LARGE1: variants seen among roughly 807,000 people sequenced by gnomAD.
The protein encoded by LARGE1 is xylosyl- and glucuronyltransferase LARGE1.
A neutral mutation model predicts 87.6 loss-of-function variants in LARGE1; 43 were observed. The observed-to-expected ratio is 0.49, with a 90% CI of 0.38 to 0.63. The LOEUF (loss-of-function observed/expected upper bound fraction) is 0.63. Ranked by LOEUF, LARGE1 falls within the 30% of genes least tolerant of loss-of-function variation. The pLI is 0.00. For synonymous variants in LARGE1, 434 were observed against 394.6 expected (o/e 1.10, Z -1.18); for missense variants, 802 against 1,000.2 (o/e 0.80, Z 2.67).
intron 6 of LARGE1, among the ~76,000 whole-genome samples, chr22:33,534,983 A>G (rs1405979025): frequency 7.9e-5 from 12 of 152,212 alleles, no homozygotes. Flanking sequence ...TTACATGAGC[A>G]CTTGGCATAT....
chr22:33,301,629 C>T (rs919665645), intron 12 of LARGE1, among the ~76,000 whole-genome samples: 10 of 152,094 alleles, frequency 6.6e-5, no homozygotes, highest in African/African-American at 2.4e-4. Flanking sequence ...TCTGGTCTCT[C>T]TATTGAATTG....
At chr22:33,475,691 G>A (rs991563777) in intron 6 of LARGE1, among the ~76,000 whole-genome samples, 26 of 151,960 alleles carry the variant, frequency 1.7e-4, no homozygotes, top group African/African-American at 6.0e-4. Context: ...TCGAACTCCC[G>A]ACCTCAGTTG....
intron 12 of LARGE1, among the ~76,000 whole-genome samples, chr22:33,297,592 G>A (rs1456947008): frequency 4.9e-5 from 7 of 142,996 alleles, no homozygotes; most frequent in Non-Finnish European, 7.6e-5. Flanking sequence ...CAGCCTGGGC[G>A]GCATAAGACT....
chr22:33,299,199 T>TGA (rs142610718), intron 12 of LARGE1, among the ~76,000 whole-genome samples: 3 of 132,236 alleles, frequency 2.3e-5, no homozygotes, highest in African/African-American at 5.7e-5. Flanking sequence ...AGCAACAGAG[T>TGA]GAGAGAGAGA....
intron 11 of LARGE1, among the ~76,000 whole-genome samples, chr22:33,176,906 C>T (rs117654969): frequency 6.6e-6 from 1 of 152,154 alleles, no homozygotes; most frequent in African/African-American, 2.4e-5. Context: ...TGGAACTAAC[C>T]CTAACGTCCA....
At chr22:33,561,136 T>C (rs1433454682) in intron 6 of LARGE1, among the ~76,000 whole-genome samples, 1 of 152,250 alleles carries the variant, frequency 6.6e-6, no homozygotes, top group Non-Finnish European at 1.5e-5. Context: ...GCAAAGCTTC[T>C]AGCTCAGTGC....
intron 7 of LARGE1, among the ~76,000 whole-genome samples, chr22:33,422,830 T>C (rs1340668966): frequency 6.6e-6 from 1 of 152,000 alleles, no homozygotes; most frequent in Non-Finnish European, 1.5e-5. Context: ...GGCACCAAGG[T>C]GATGGTGCTA....
intron 11 of LARGE1, among the ~76,000 whole-genome samples, chr22:33,313,444 C>T (rs1935820770): frequency 6.6e-6 from 1 of 152,218 alleles, no homozygotes; most frequent in Admixed American, 6.5e-5. Context: ...CAGTGACAGG[C>T]AGAGTTCTAT....
At chr22:33,350,828 C>T (rs1004408742) in intron 9 of LARGE1, among the ~76,000 whole-genome samples, 1 of 152,222 alleles carries the variant, frequency 6.6e-6, no homozygotes, top group Non-Finnish European at 1.5e-5. Flanking sequence ...GAAGCCCAGA[C>T]ACGGACTCCA....
rs367570640 is a variant in LARGE1 at position 33,457,818 on chromosome 22, A to C, written c.788-25553T>G. Among the ~76,000 whole-genome samples the C allele has an allele frequency of 1.2e-4, 18 of 152,306 alleles. No individual in the cohort carries two copies. In the East Asian group the frequency reaches 1.5e-3, roughly 13 times the overall value. On this transcript the variant is annotated intron_variant, in intron 6 of 14. Transcript: ENST00000397394. ...GGTAGAAGGCCTTCCAGGCTGAGGA[A>C]AGACCCTGAGCACAGCAATTGTGGT...
downstream of LARGE1, among the ~76,000 whole-genome samples, chr22:33,159,743 C>T (rs915536942): frequency 3.8e-4 from 57 of 151,890 alleles, no homozygotes; most frequent in African/African-American, 1.3e-3. Flanking sequence ...CGCCACCACG[C>T]CTGGCTAATT....
At chr22:33,722,969 TA>T (rs1361134138) in intron 2 of LARGE1, among the ~76,000 whole-genome samples, 2 of 152,050 alleles carry the variant, frequency 1.3e-5, no homozygotes, top group African/African-American at 4.8e-5. Context: ...TGGAATGCGG[TA>T]AGTGAGCCAC....
intron 2 of LARGE1, among the ~76,000 whole-genome samples, chr22:33,740,247 A>G (rs1225997337): frequency 3.9e-5 from 6 of 152,182 alleles, no homozygotes; most frequent in African/African-American, 1.4e-4. Flanking sequence ...GCTTTCTTGG[A>G]TGTCCCCAGA....
chr22:33,902,992 C>A (rs77452110), intron 1 of LARGE1, among the ~76,000 whole-genome samples: 15,281 of 152,160 alleles, frequency 0.1, 798 homozygotes, highest in African/African-American at 0.14. Flanking sequence ...ATTAGCTGGG[C>A]ACAGTGGCGA....
At chr22:33,639,465 T>C (rs2080365090) in intron 3 of LARGE1, among the ~76,000 whole-genome samples, 1 of 152,196 alleles carries the variant, frequency 6.6e-6, no homozygotes, top group Non-Finnish European at 1.5e-5. Context: ...AAGTTGAATA[T>C]TCATAATGAG....
At chr22:33,466,987 A>T (rs1287564416) in intron 6 of LARGE1, among the ~76,000 whole-genome samples, 1 of 152,182 alleles carries the variant, frequency 6.6e-6, no homozygotes, top group African/African-American at 2.4e-5. Flanking sequence ...GGTTGCAGTG[A>T]GCCAAGATCG....
At chr22:33,167,171 T>A (rs1383208361) in intron 11 of LARGE1, among the ~76,000 whole-genome samples, 1 of 152,114 alleles carries the variant, frequency 6.6e-6, no homozygotes, top group Non-Finnish European at 1.5e-5. Context: ...GAAAATCAGA[T>A]CTAATTGGAA....
chr22:33,254,337 C>G (rs567730800), intron 11 of LARGE1, among the ~76,000 whole-genome samples: 1 of 152,284 alleles, frequency 6.6e-6, no homozygotes, highest in African/African-American at 2.4e-5. Flanking sequence ...AAAACTAGGA[C>G]AGCTGGCAGT....
chr22:33,869,005 C>A (rs371189678), intron 1 of LARGE1, among the ~76,000 whole-genome samples: 41 of 152,122 alleles, frequency 2.7e-4, no homozygotes, highest in Non-Finnish European at 5.1e-4. Context: ...GGGCCATGAA[C>A]GAGGCTCCAA....
Sources: allele counts gnomAD v4.1 joint callset (sites outside exome capture counted in the v4.1 genomes callset), GRCh38; gene constraint gnomAD v4.1.1; transcripts MANE v1.5; gene names NCBI Gene and HGNC (gene_info 2026-07-23, HGNC 2026-07-21).